CELF2: variants seen among roughly 807,000 people sequenced by gnomAD.
The protein encoded by CELF2 is CUG triplet repeat RNA-binding protein 2.
A neutral mutation model predicts 62.6 loss-of-function variants in CELF2; 8 were observed. The ratio of observed to expected loss-of-function variants is 0.13; its 90% CI spans 0.07 to 0.23. The LOEUF (loss-of-function observed/expected upper bound fraction) is 0.23. Among genes scored for constraint, CELF2 ranks in the 10% least tolerant of loss-of-function variants. The pLI, the probability that CELF2 is intolerant of heterozygous loss-of-function variation, is 1.00. For synonymous variants in CELF2, 258 were observed against 250.0 expected (o/e 1.03, Z -0.30); for missense variants, 333 against 671.0 (o/e 0.50, Z 5.56).
At chr10:11,062,423 T>C (rs919501346) in intron 1 of CELF2, among the ~76,000 whole-genome samples, 1 of 152,182 alleles carries the variant, frequency 6.6e-6, no homozygotes, top group African/African-American at 2.4e-5. Context: ...ATTTACCATA[T>C]TAGAGGTCAT....
intron 2 of CELF2, among the ~76,000 whole-genome samples, chr10:10,958,891 C>A (rs904196620): frequency 6.6e-6 from 1 of 152,018 alleles, no homozygotes; most frequent in African/African-American, 2.4e-5. Context: ...GACAACATCA[C>A]AAGGTATGTA....
chr10:10,972,782 T>C lies in CELF2; in HGVS notation c.89+52783T>C, dbSNP rs2050892458. Among the ~76,000 whole-genome samples, 1 of 152,084 alleles carries C rather than the reference T, an allele frequency of 6.6e-6. No individual in the cohort carries two copies. The highest frequency in any genetic ancestry group is 2.4e-5 in the African/African-American group (1 of 41,400). On this transcript the variant is annotated intron_variant, in intron 2 of 13. Coordinates refer to the CELF2 transcript ENST00000636488. This position sits in a 1 kb window ranked among gnomAD's most constrained non-coding sequence, Gnocchi z 4.4. ...CCCTTCCTTTTTGATCTGTTCCTAT[T>C]CTGAAATACACAATATCCATGAGTG...
At chr10:10,630,454 T>C in the CELF2 span, among the ~76,000 whole-genome samples, 211 of 152,300 alleles carry the variant, frequency 1.4e-3, 1 homozygote, top group African/African-American at 4.8e-3. Flanking sequence ...CTCTATCTAA[T>C]CTCTATCTCT....
At chr10:11,048,545 C>T (rs1242679596) in intron 1 of CELF2, among the ~76,000 whole-genome samples, 3 of 152,208 alleles carry the variant, frequency 2.0e-5, no homozygotes, top group South Asian at 2.1e-4. Flanking sequence ...CTCTACTTCC[C>T]GTGTAAGGAA....
chr10:10,793,985 T>C (rs76220013), upstream of CELF2, among the ~76,000 whole-genome samples: 5,689 of 152,294 alleles, frequency 0.037, 112 homozygotes, highest in Non-Finnish European at 0.051. Context: ...TTTGTTTTTT[T>C]TGGTATAAGT....
At chr10:10,680,486 T>C in the CELF2 span, among the ~76,000 whole-genome samples, 1 of 152,212 alleles carries the variant, frequency 6.6e-6, no homozygotes, top group Admixed American at 6.5e-5. Context: ...AGACAGTGCT[T>C]TCTTCTCCCA....
chr10:10,589,762 A>T, the CELF2 span, among the ~76,000 whole-genome samples: 1 of 152,200 alleles, frequency 6.6e-6, no homozygotes, highest in Non-Finnish European at 1.5e-5. Flanking sequence ...CAGAGAAATT[A>T]GGCAAATTCT....
chr10:10,627,875 G>A, the CELF2 span, among the ~76,000 whole-genome samples: 1 of 152,100 alleles, frequency 6.6e-6, no homozygotes. Flanking sequence ...ATATTATTTG[G>A]AACCATGCAG....
In CELF2 at chr10:11,247,092, T is replaced by C. The variant is rs2075822376; in HGVS notation, c.355-2061T>C. ...TTCCCTGGCCTGCGGCAGCAGCCTC[T>C]TAACTGTCCTCCCTGCCTGTGTCTC... On this transcript the variant is annotated intron_variant, in intron 3 of 12. Coordinates refer to ENST00000633077, the MANE Select transcript of CELF2 (RefSeq NM_001326342.2). The surrounding 1 kb of genome is among the most constrained non-coding windows in gnomAD (Gnocchi z 5.4). Among the ~76,000 whole-genome samples, 1 of 152,248 alleles carries C rather than the reference T, an allele frequency of 6.6e-6. No homozygotes were observed. The highest frequency in any genetic ancestry group is 6.5e-5 in the Admixed American group (1 of 15,288).
At chr10:10,863,423 C>G (rs2060162029) in intron 1 of CELF2, among the ~76,000 whole-genome samples, 1 of 152,156 alleles carries the variant, frequency 6.6e-6, no homozygotes, top group African/African-American at 2.4e-5. Flanking sequence ...ATTGACATTT[C>G]AAGTTTCTGG....
intron 1 of CELF2, among the ~76,000 whole-genome samples, chr10:11,033,762 T>C (rs991999873): frequency 3.9e-5 from 6 of 152,358 alleles, no homozygotes; most frequent in Admixed American, 1.3e-4. Flanking sequence ...CCCTGTAGTG[T>C]TGTAAATACA....
intron 1 of CELF2, among the ~76,000 whole-genome samples, chr10:10,848,551 AC>A (rs1489862223): frequency 6.6e-6 from 1 of 152,164 alleles, no homozygotes; most frequent in Non-Finnish European, 1.5e-5. Context: ...ATTCAGAGCC[AC>A]CCATAACAGA....
intron 1 of CELF2, among the ~76,000 whole-genome samples, chr10:11,162,769 C>T (rs1404504889): frequency 6.6e-6 from 1 of 152,116 alleles, no homozygotes; most frequent in South Asian, 2.1e-4. Flanking sequence ...ATTTCAGATG[C>T]TTCACAGATG....
chr10:10,564,682 G>GCGCGCA, the CELF2 span, among the ~76,000 whole-genome samples: 5 of 130,692 alleles, frequency 3.8e-5, no homozygotes, highest in African/African-American at 1.4e-4. Context: ...ACGCACACAC[G>GCGCGCA]CACACACACA....
At chr10:11,287,143 C>T (rs1218328171) in intron 8 of CELF2, among the ~76,000 whole-genome samples, 2 of 152,162 alleles carry the variant, frequency 1.3e-5, no homozygotes, top group East Asian at 1.9e-4. Context: ...GCTCTCAGGG[C>T]ACTCTCCCTA....
At chr10:11,161,967 C>G (rs2065826182) in intron 1 of CELF2, among the ~76,000 whole-genome samples, 1 of 152,160 alleles carries the variant, frequency 6.6e-6, no homozygotes, top group Admixed American at 6.5e-5. Context: ...TGAAAGAATT[C>G]AGTGAGTCTC....
At chr10:10,523,509 T>C in the CELF2 span, among the ~76,000 whole-genome samples, 1 of 152,168 alleles carries the variant, frequency 6.6e-6, no homozygotes, top group East Asian at 1.9e-4. Context: ...ACTGGGGAGG[T>C]GGTGAAACCT....
intron 1 of CELF2, among the ~76,000 whole-genome samples, chr10:11,105,906 G>T (rs867723999): frequency 6.6e-6 from 1 of 152,164 alleles, no homozygotes; most frequent in Non-Finnish European, 1.5e-5. Flanking sequence ...TTTCTTCATA[G>T]CACTTACTAT....
At chr10:10,784,270 C>T in the CELF2 span, among the ~76,000 whole-genome samples, 1 of 152,176 alleles carries the variant, frequency 6.6e-6, no homozygotes, top group African/African-American at 2.4e-5. Context: ...GGTTCCAGCC[C>T]CATGGCAGCA....
Sources: allele counts gnomAD v4.1 joint callset (sites outside exome capture counted in the v4.1 genomes callset), GRCh38; gene constraint gnomAD v4.1.1; non-coding constraint Gnocchi (gnomAD v3.1); transcripts MANE v1.5; gene names NCBI Gene and HGNC (gene_info 2026-07-23, HGNC 2026-07-21).